Variants in RYK observed in about 807,000 individuals in gnomAD.
The protein encoded by RYK is inactive tyrosine-protein kinase RYK.
RYK carries 21 observed loss-of-function variants against 70.2 expected under a neutral mutation model. That is an observed-to-expected ratio of 0.30 (90% CI 0.21 to 0.43). RYK has a LOEUF of 0.43. RYK is among the 20% of genes least tolerant of loss of function. The probability of loss-of-function intolerance (pLI) is 1.00; values close to 1 mark genes in which losing one functional copy is unlikely to be tolerated. For synonymous variants in RYK, 267 were observed against 278.0 expected (o/e 0.96, Z 0.39); for missense variants, 604 against 753.3 (o/e 0.80, Z 2.32).
At chr3:134,160,389 C>G (rs1175030642) in intron 13 of RYK, among the ~76,000 whole-genome samples, 1 of 152,076 alleles carries the variant, frequency 6.6e-6, no homozygotes, top group East Asian at 1.9e-4. Flanking sequence ...AAGTCAAATA[C>G]AAGTCTGTTT....
rs145249828 is a variant in RYK at position 134,189,090 on chromosome 3, TAA to T, written c.1016-169_1016-168del. Among the ~76,000 whole-genome samples, 524 of 152,338 alleles carry T rather than the reference TAA, an allele frequency of 3.4e-3. 2 individuals are homozygous for T. The highest frequency in any genetic ancestry group is 0.012 in the African/African-American group (505 of 41,580). On this transcript the variant is annotated intron_variant, in intron 8 of 14. Transcript: ENST00000623711. ...CCAAATCTTTGGTTTTAACGACTGT[TAA>T]AAGTTTTTTGTGACTATTACACATC... is the stretch of plus-strand genomic sequence containing the variant.
intron 6 of RYK, among the ~76,000 whole-genome samples, chr3:134,199,011 A>T (rs1170720326): frequency 1.3e-5 from 2 of 152,198 alleles, no homozygotes; most frequent in African/African-American, 4.8e-5. Context: ...ACTAACAGGG[A>T]AAGACTACAG....
intron 7 of RYK, among the ~76,000 whole-genome samples, chr3:134,193,051 A>C (rs2013695001): frequency 6.6e-6 from 1 of 152,154 alleles, no homozygotes; most frequent in South Asian, 2.1e-4. Flanking sequence ...TTTTTTAAAA[A>C]GTGTTTGTTT....
intron 1 of RYK, among the ~76,000 whole-genome samples, chr3:134,238,605 C>G (rs1206697429): frequency 6.6e-6 from 1 of 152,184 alleles, no homozygotes; most frequent in Non-Finnish European, 1.5e-5. Flanking sequence ...AGCCAGGAAT[C>G]TGCAGGCACT....
chr3:134,182,278 T>C (rs2013321537), intron 10 of RYK, among the ~76,000 whole-genome samples: 1 of 152,210 alleles, frequency 6.6e-6, no homozygotes, highest in African/African-American at 2.4e-5. Flanking sequence ...AGTGGACTAC[T>C]ATGTAGCCTT....
Position 134,191,973 on chromosome 3 carries a change from A to G in RYK, c.891T>C (p.Ser297=), listed in dbSNP as rs542402568. The G allele has an allele frequency of 5.6e-6, 9 of 1,612,840 alleles. No individual in the cohort carries two copies. The South Asian group carries it at 8.8e-5, about 16-fold the overall frequency. The change falls in exon 8 of 15, where the codon AGT becomes AGC. Residue 297 remains serine (S), a splice_region_variant and synonymous_variant. Coordinates refer to ENST00000623711, the MANE Select transcript of RYK (RefSeq NM_002958.4). The part of the protein sequence containing the change: ...DTPNNATPIT[S]YPTLRIEKND... ...TCTTCTCTATCCGCAAGGTAGGATA[A>G]CCTAAGGAGCCAACAAAGCCAAACC...
At chr3:134,202,940 A>C (rs982973800) in intron 5 of RYK, 66 bp from the exon 6 acceptor site, 43 of 1,326,388 alleles carry the variant, frequency 3.2e-5, no homozygotes, top group Non-Finnish European at 4.5e-5. Flanking sequence ...GACCCAATAT[A>C]CATAAATAAG....
chr3:134,202,711 C>T lies in RYK; in HGVS notation c.788+19G>A. 1.9e-6 allele frequency: 3 copies of T among 1,601,180 alleles called. No homozygotes were observed. The highest frequency in any genetic ancestry group is 1.8e-5 in the Admixed American group (1 of 56,916). The stretch of plus-strand genomic sequence containing the variant: ...ATAACTGCTTTCATTTTTTTTCTTT[C>T]CCAAAATATGTACAATACCTGTCAT... On this transcript the variant is annotated intron_variant, in intron 6 of 14. Transcript: ENST00000623711.
At chr3:134,199,929 G>A (rs561964006) in intron 6 of RYK, among the ~76,000 whole-genome samples, 1 of 19,718 alleles carries the variant, frequency 5.1e-5, no homozygotes, top group Admixed American at 3.9e-4. Context: ...AATCAGGTAG[G>A]GGACTTTGAG....
chr3:134,242,813 T>A (rs1453631949), intron 1 of RYK, among the ~76,000 whole-genome samples: 1 of 152,156 alleles, frequency 6.6e-6, no homozygotes, highest in East Asian at 1.9e-4. Flanking sequence ...AGGGGACAGG[T>A]TTAGCCATAA....
At chr3:134,186,104 A>T (rs889557167) in intron 9 of RYK, among the ~76,000 whole-genome samples, 5 of 152,330 alleles carry the variant, frequency 3.3e-5, no homozygotes, top group African/African-American at 1.2e-4. Context: ...ACACTTGCTT[A>T]TTTACAAAAC....
At position 134,157,385 on chromosome 3, in the gene RYK, C is replaced by T. The variant is rs1392867320; in HGVS notation, c.*768G>A. 6.6e-6 allele frequency: 1 copy of T among 152,150 alleles called. No homozygotes were observed. The highest frequency in any genetic ancestry group is 6.5e-5 in the Admixed American group (1 of 15,278). 9.4% of individuals were successfully genotyped at this position (152,150 alleles called of 1,614,324 possible). A position where few individuals can be genotyped will look rare whatever the true frequency, so the allele number is the denominator to read the frequency against. On this transcript the variant is annotated 3_prime_UTR_variant, in exon 15 of 15. Coordinates refer to ENST00000623711, the MANE Select transcript of RYK (RefSeq NM_002958.4). ...TCCAGAGAGTAAAAATAAATAAAATCACCATTGTTTACTACAGATCTGCCC... is the reference window on the plus strand; with the variant it reads ...TCCAGAGAGTAAAAATAAATAAAATTACCATTGTTTACTACAGATCTGCCC...
In RYK at chr3:134,202,658, A is replaced by T. The variant is rs185088328; in HGVS notation, c.788+72T>A. On this transcript the variant is annotated intron_variant, in intron 6 of 14. Transcript: ENST00000623711. ...CCTTTCCCTGCACCACTGTGCATCG[A>T]TGTGTATGGGCTCCCACATATATAC... 2.9e-6 allele frequency: 4 copies of T among 1,362,742 alleles called. No homozygotes were observed. The African/African-American group carries it at 4.4e-5, about 15-fold the overall frequency. 84.4% of individuals were successfully genotyped at this position (1,362,742 alleles called of 1,614,324 possible). A position where few individuals can be genotyped will look rare whatever the true frequency, so the allele number is the denominator to read the frequency against.
At chr3:134,226,580 T>TA (rs1560024402) in intron 1 of RYK, among the ~76,000 whole-genome samples, 4 of 152,098 alleles carry the variant, frequency 2.6e-5, no homozygotes, top group African/African-American at 9.7e-5. Flanking sequence ...CTTATGAACA[T>TA]AGATTCATTC....
At chr3:134,170,441 C>A (rs2012861067) in intron 13 of RYK, 2 of 152,244 alleles carry the variant, frequency 1.3e-5, no homozygotes, top group Non-Finnish European at 2.9e-5. Context: ...CACTAAGCTA[C>A]ATGTCATGCC....
chr3:134,235,392 T>C (rs927546555), intron 1 of RYK, among the ~76,000 whole-genome samples: 5 of 152,168 alleles, frequency 3.3e-5, no homozygotes, highest in Non-Finnish European at 5.9e-5. Flanking sequence ...TTCCAGTCTA[T>C]ATCTTTTCTT....
At chr3:134,161,506 C>T (rs1334801477) in intron 13 of RYK, among the ~76,000 whole-genome samples, 1 of 152,096 alleles carries the variant, frequency 6.6e-6, no homozygotes, top group East Asian at 1.9e-4. Context: ...TGTCCTTAGC[C>T]AGAGCAAAAC....
intron 13 of RYK, among the ~76,000 whole-genome samples, chr3:134,161,618 T>C (rs2012474515): frequency 6.6e-6 from 1 of 152,234 alleles, no homozygotes; most frequent in African/African-American, 2.4e-5. Flanking sequence ...TCAAAAAATA[T>C]TATGAACAAT....
chr3:134,204,564 GA>G (rs2014141413), intron 5 of RYK, among the ~76,000 whole-genome samples: 1 of 145,508 alleles, frequency 6.9e-6, no homozygotes, highest in African/African-American at 2.6e-5. Flanking sequence ...CAGCAACAGG[GA>G]AAATAACCCA....
Sources: gnomAD v4.1 joint callset for allele counts (sites outside exome capture counted in the v4.1 genomes callset) on GRCh38, gnomAD v4.1.1 for gene constraint, MANE v1.5 for transcripts, NCBI Gene and HGNC (gene_info 2026-07-23, HGNC 2026-07-21) for gene names.